The following RTN4 variants were observed in gnomAD, a reference collection of about 807,000 sequenced individuals.
RTN4 encodes reticulon-4.
RTN4 carries 32 observed loss-of-function variants against 90.4 expected under a neutral mutation model. That is an observed-to-expected ratio of 0.35 (90% CI 0.27 to 0.48). RTN4 has a LOEUF of 0.48. Among genes scored for constraint, RTN4 ranks in the 20% least tolerant of loss-of-function variants. The pLI, the probability that RTN4 is intolerant of heterozygous loss-of-function variation, is 0.99. For synonymous variants in RTN4, 629 were observed against 552.5 expected (o/e 1.14, Z -1.94); for missense variants, 1,706 against 1,430.2 (o/e 1.19, Z -3.11).
chr2:55,035,727 G>C (rs72912575), intron 1 of RTN4, among the ~76,000 whole-genome samples: 17 of 152,030 alleles, frequency 1.1e-4, no homozygotes, highest in African/African-American at 3.9e-4. Flanking sequence ...GACAGAGAGA[G>C]GAAGCAAGTA....
chr2:54,982,309 G>A (rs1005473505), intron 5 of RTN4, among the ~76,000 whole-genome samples: 5 of 151,612 alleles, frequency 3.3e-5, no homozygotes, highest in Non-Finnish European at 5.9e-5. Context: ...AGGACTCTCT[G>A]TATTAAGTAT....
At chr2:55,134,609 G>A in the RTN4 span, among the ~76,000 whole-genome samples, 9 of 152,194 alleles carry the variant, frequency 5.9e-5, no homozygotes, top group Admixed American at 5.9e-4. Context: ...AATATGCAAA[G>A]AGAATATTAT....
At chr2:55,066,858 G>A (rs1459634948) in intron 2 of RTN4, among the ~76,000 whole-genome samples, 1 of 152,028 alleles carries the variant, frequency 6.6e-6, no homozygotes, top group Non-Finnish European at 1.5e-5. Flanking sequence ...ATAGTTCAAT[G>A]TCATACAATG....
intron 1 of RTN4, among the ~76,000 whole-genome samples, chr2:55,111,283 A>G (rs1047618993): frequency 2.6e-5 from 4 of 152,210 alleles, no homozygotes; most frequent in African/African-American, 4.8e-5. Flanking sequence ...GATTTTAAAA[A>G]CAGAGCAAGC....
At chr2:55,035,193 G>T (rs1465576730) in intron 1 of RTN4, among the ~76,000 whole-genome samples, 2 of 152,092 alleles carry the variant, frequency 1.3e-5, no homozygotes, top group African/African-American at 4.8e-5. Context: ...TGACTTTTAT[G>T]GAACACTACA....
At chr2:55,030,103 C>T (rs1434956717) in intron 1 of RTN4, among the ~76,000 whole-genome samples, 6 of 152,026 alleles carry the variant, frequency 3.9e-5, no homozygotes, top group Non-Finnish European at 7.4e-5. Flanking sequence ...AATTCAGAGG[C>T]TAGTCTATCT....
chr2:55,015,711 A>T (rs1680983132), intron 3 of RTN4, among the ~76,000 whole-genome samples: 1 of 152,254 alleles, frequency 6.6e-6, no homozygotes, highest in African/African-American at 2.4e-5. Flanking sequence ...TGTCCAGAAG[A>T]ATATTTAAGG....
upstream of RTN4, among the ~76,000 whole-genome samples, chr2:55,116,457 C>A (rs1668127195): frequency 6.6e-6 from 1 of 152,162 alleles, no homozygotes; most frequent in African/African-American, 2.4e-5. Context: ...GTTTCTTAAC[C>A]TCTCTGAGCC....
intron 1 of RTN4, among the ~76,000 whole-genome samples, chr2:55,039,234 T>G (rs939180313): frequency 6.6e-6 from 1 of 152,174 alleles, no homozygotes; most frequent in Non-Finnish European, 1.5e-5. Context: ...GTAAAACTGT[T>G]GAAACTTAAA....
At chr2:55,069,369 G>GC (rs959035754) in intron 2 of RTN4, among the ~76,000 whole-genome samples, 7 of 151,974 alleles carry the variant, frequency 4.6e-5, no homozygotes, top group Non-Finnish European at 1.0e-4. Flanking sequence ...CTCTGTAACC[G>GC]CCCCCCTCAA....
At chr2:54,979,525 G>C (rs1392973313) in intron 5 of RTN4, among the ~76,000 whole-genome samples, 1 of 152,100 alleles carries the variant, frequency 6.6e-6, no homozygotes, top group Non-Finnish European at 1.5e-5. Flanking sequence ...GCTGTTTTAA[G>C]GAAGTATTCA....
chr2:55,025,998 A>T lies in RTN4; in HGVS notation c.2101T>A (p.Leu701Ile). The change falls in exon 3 of 9, where the codon TTA (leucine) becomes ATA (isoleucine). Residue 701 changes from leucine to isoleucine, a missense_variant. Leu to Ile is a conservative substitution (Grantham distance 5, BLOSUM62 2). Transcript: ENST00000337526. The part of the protein sequence containing the change: ...EAPYISIACD[L>I]IKETKLSAEP... ...GCAGAAAGCTTTGTTTCTTTAATTAAATCACATGCAATAGATATATAAGGA... is the reference window on the plus strand; with the variant it reads ...GCAGAAAGCTTTGTTTCTTTAATTATATCACATGCAATAGATATATAAGGA... 6.2e-7 allele frequency: 1 copy of T among 1,612,772 alleles called. No individual in the cohort carries two copies. The highest frequency in any genetic ancestry group is 8.5e-7 in the Non-Finnish European group (1 of 1,179,728).
chr2:55,054,106 T>C (rs1339889959), upstream of RTN4, among the ~76,000 whole-genome samples: 1 of 152,126 alleles, frequency 6.6e-6, no homozygotes, highest in African/African-American at 2.4e-5. Flanking sequence ...TTTATACAAA[T>C]AAAAAATTTA....
intron 1 of RTN4, among the ~76,000 whole-genome samples, chr2:55,091,385 T>C (rs1465852471): frequency 6.6e-6 from 1 of 152,244 alleles, no homozygotes; most frequent in Non-Finnish European, 1.5e-5. Context: ...GCTATTTTTC[T>C]GCCTGGAATG....
intron 2 of RTN4, among the ~76,000 whole-genome samples, chr2:55,072,339 C>T (rs1668530663): frequency 1.3e-5 from 2 of 152,132 alleles, no homozygotes; most frequent in Admixed American, 1.3e-4. Context: ...ACGCCATTCT[C>T]CTGCCTCAGC....
Position 55,013,555 on chromosome 2 carries a change from A to T in RTN4, c.3013+11531T>A, listed in dbSNP as rs941480768. 2.3e-5 allele frequency among the ~76,000 whole-genome samples: 3 copies of T among 130,676 alleles called. No individual in the cohort carries two copies. In the South Asian group the frequency reaches 7.4e-4, roughly 32 times the overall value. 85.7% of individuals were successfully genotyped at this position (130,676 alleles called of 152,430 possible). On this transcript the variant is annotated intron_variant, in intron 3 of 8. Transcript: ENST00000337526. ...ATAAATCAATTCCTACTAAACAAGAAACTCTTTTATGACCTCAGAAACTGT... is the reference window on the plus strand; with the variant it reads ...ATAAATCAATTCCTACTAAACAAGATACTCTTTTATGACCTCAGAAACTGT...
At chr2:54,975,123 A>C (rs1231724041) in intron 5 of RTN4, among the ~76,000 whole-genome samples, 3 of 152,232 alleles carry the variant, frequency 2.0e-5, no homozygotes, top group Admixed American at 6.5e-5. Flanking sequence ...ATTGATTTCA[A>C]AGTATGAACT....
At chr2:54,987,130 C>G (rs1386259219) in intron 4 of RTN4, among the ~76,000 whole-genome samples, 2 of 151,972 alleles carry the variant, frequency 1.3e-5, no homozygotes, top group Non-Finnish European at 2.9e-5. Context: ...TACGAAATAT[C>G]AGAAAGCACG....
chr2:55,107,582 T>C lies in RTN4; in HGVS notation c.-214+4938A>G, dbSNP rs1173939971. Reference sequence around the variant, plus strand: ...GTGGTGGCTAGGAATCCAAAGAAGCTCTTATTTGAACAACAAGGCTGGTAT... The same window carrying C: ...GTGGTGGCTAGGAATCCAAAGAAGCCCTTATTTGAACAACAAGGCTGGTAT... On this transcript the variant is annotated intron_variant, in intron 1 of 3. Coordinates refer to the RTN4 transcript ENST00000427710. 3.3e-5 allele frequency among the ~76,000 whole-genome samples: 5 copies of C among 152,068 alleles called. No homozygotes were observed. The East Asian group carries it at 9.6e-4, about 29-fold the overall frequency.
Sources: gnomAD v4.1 joint callset for allele counts (sites outside exome capture counted in the v4.1 genomes callset) on GRCh38, gnomAD v4.1.1 for gene constraint, MANE v1.5 for transcripts, NCBI Gene and HGNC (gene_info 2026-07-23, HGNC 2026-07-21) for gene names.